The following TNS3 variants were observed in gnomAD, a reference collection of about 807,000 sequenced individuals.
The protein encoded by TNS3 is tensin-3.
TNS3 carries 45 observed loss-of-function variants against 140.9 expected under a neutral mutation model. The ratio of observed to expected loss-of-function variants is 0.32; its 90% CI spans 0.25 to 0.41. TNS3 has a LOEUF of 0.41. TNS3 is among the 10% of genes least tolerant of loss of function. The pLI is 1.00. For missense variants in TNS3, 1,716 were observed against 1,906.7 expected (o/e 0.90, Z 1.86); for synonymous variants, 815 against 788.4 (o/e 1.03, Z -0.56).
rs574559140 is a variant in TNS3 at position 47,531,381 on chromosome 7, CA to C, written c.-264-2235del. ...TGAACCAAAAACTTCTTAAAATATG[CA>C]AAAAAAGATATACAATTAAAGCCCA... On this transcript the variant is annotated intron_variant, in intron 1 of 30. Transcript: ENST00000311160. 7.2e-5 allele frequency among the ~76,000 whole-genome samples: 11 copies of C among 151,732 alleles called. No homozygotes were observed. The South Asian group carries it at 2.1e-3, about 29-fold the overall frequency.
intron 1 of TNS3, among the ~76,000 whole-genome samples, chr7:47,566,120 G>A (rs527829336): frequency 7.2e-5 from 11 of 152,336 alleles, no homozygotes; most frequent in Admixed American, 5.2e-4. Context: ...TGTCTGGGGT[G>A]GAACCCAGAA....
chr7:47,483,956 G>A (rs1042036765), intron 3 of TNS3, among the ~76,000 whole-genome samples: 2 of 152,218 alleles, frequency 1.3e-5, no homozygotes, highest in African/African-American at 4.8e-5. Context: ...AGAGCTTACG[G>A]CTCACGTAAT....
intron 20 of TNS3, among the ~76,000 whole-genome samples, chr7:47,310,182 T>C (rs1272269941): frequency 6.6e-6 from 1 of 152,202 alleles, no homozygotes. Flanking sequence ...TCTGAGCATG[T>C]TTCCCCTCAA....
intron 16 of TNS3, among the ~76,000 whole-genome samples, chr7:47,395,140 A>G (rs2151314282): frequency 6.6e-6 from 1 of 152,328 alleles, no homozygotes; most frequent in East Asian, 1.9e-4. Flanking sequence ...CAGCATCACG[A>G]GAATGACCTT....
At chr7:47,403,176 G>A (rs781477279) in intron 13 of TNS3, 1 of 152,746 alleles carries the variant, frequency 6.5e-6, no homozygotes, top group Non-Finnish European at 1.5e-5. Context: ...CAGGAATCCA[G>A]GATGCTCCCC....
chr7:47,453,616 A>G (rs1022573949), intron 4 of TNS3, among the ~76,000 whole-genome samples: 2 of 152,234 alleles, frequency 1.3e-5, no homozygotes, highest in East Asian at 3.8e-4. Context: ...TAAAATAAAA[A>G]CCAAACCAAT....
chr7:47,398,438 T>C (rs1187544368), intron 15 of TNS3, among the ~76,000 whole-genome samples: 2 of 152,108 alleles, frequency 1.3e-5, no homozygotes, highest in African/African-American at 4.8e-5. Context: ...AAATACTAGC[T>C]AACTGAATCT....
chr7:47,367,863 C>T (rs1054462701), intron 17 of TNS3, among the ~76,000 whole-genome samples: 6 of 152,228 alleles, frequency 3.9e-5, no homozygotes, highest in African/African-American at 7.2e-5. Context: ...TTTTATACCA[C>T]GACTGCTTAA....
intron 17 of TNS3, among the ~76,000 whole-genome samples, chr7:47,362,853 CACCATT>C (rs1790423068): frequency 6.9e-6 from 1 of 144,406 alleles, no homozygotes. Context: ...TCATCACCAT[CACCATT>C]ACCACCATCA....
Position 47,437,320 on chromosome 7 carries a change from AAGAG to A in TNS3, c.151-11_151-8del. The A allele has an allele frequency of 7.3e-7, 1 of 1,366,740 alleles. No individual in the cohort carries two copies. 84.7% of individuals were successfully genotyped at this position (1,366,740 alleles called of 1,614,324 possible). A position where few individuals can be genotyped will look rare whatever the true frequency, so the allele number is the denominator to read the frequency against. On this transcript the variant is annotated splice_region_variant and splice_polypyrimidine_tract_variant and intron_variant, in intron 6 of 30. Transcript: ENST00000311160. ...TTTCTGAAAGGTTTAATACCTATAAAAGAGAGGAAAAATTGCCTTGCATAAAATA... is the reference window on the plus strand; with the variant it reads ...TTTCTGAAAGGTTTAATACCTATAAAAGGAAAAATTGCCTTGCATAAAATA...
intron 20 of TNS3, among the ~76,000 whole-genome samples, chr7:47,343,004 A>C (rs1789106268): frequency 6.6e-6 from 1 of 152,240 alleles, no homozygotes; most frequent in African/African-American, 2.4e-5. Flanking sequence ...CTGAAATAAA[A>C]ATCTAGAAGG....
intron 12 of TNS3, among the ~76,000 whole-genome samples, chr7:47,413,500 G>A (rs1001302415): frequency 1.8e-4 from 28 of 151,720 alleles, no homozygotes; most frequent in African/African-American, 5.1e-4. Context: ...GGCACTTTGG[G>A]AGGCCGAGAC....
intron 1 of TNS3, among the ~76,000 whole-genome samples, chr7:47,541,757 G>C (rs1799794956): frequency 6.6e-6 from 1 of 151,988 alleles, no homozygotes; most frequent in Non-Finnish European, 1.5e-5. Flanking sequence ...GACCATCCTG[G>C]CTAACACGGT....
chr7:47,424,024 T>C, intron 10 of TNS3, 77 bp downstream of exon 10: 2 of 1,381,858 alleles, frequency 1.4e-6, no homozygotes, highest in Non-Finnish European at 2.1e-6. Flanking sequence ...ACAGAGGAGA[T>C]GCCTCTTCTG....
chr7:47,525,584 G>T (rs969225795), intron 2 of TNS3, among the ~76,000 whole-genome samples: 1 of 152,212 alleles, frequency 6.6e-6, no homozygotes, highest in East Asian at 1.9e-4. Flanking sequence ...GGACGTCATA[G>T]AGCAGCTGAA....
chr7:47,350,059 A>G (rs1398851517), intron 17 of TNS3, among the ~76,000 whole-genome samples: 1 of 152,028 alleles, frequency 6.6e-6, no homozygotes, highest in African/African-American at 2.4e-5. Flanking sequence ...ACAACTGCCA[A>G]CTCTATTCCT....
At chr7:47,404,113 C>T (rs569934611) in intron 13 of TNS3, among the ~76,000 whole-genome samples, 1 of 152,268 alleles carries the variant, frequency 6.6e-6, no homozygotes, top group Admixed American at 6.5e-5. Flanking sequence ...CAAAGATGTG[C>T]AGTCACAATT....
chr7:47,400,929 C>A lies in TNS3; in HGVS notation c.724-15G>T, dbSNP rs201298123. 3 of 1,613,486 alleles carry A rather than the reference C, an allele frequency of 1.9e-6. 1 individual carries two copies. In the South Asian group the frequency reaches 3.3e-5, roughly 18 times the overall value. ...TAGCATTTCACCTGGGTTAGAGAGA[C>A]AAAACAAAACAAAGTAGCTGCAGCG... On this transcript the variant is annotated splice_polypyrimidine_tract_variant and intron_variant, in intron 13 of 30. Coordinates refer to ENST00000311160, the MANE Select transcript of TNS3 (RefSeq NM_022748.12).
chr7:47,407,797 A>T lies in TNS3; in HGVS notation c.723+3930T>A, dbSNP rs1317718505. Among the ~76,000 whole-genome samples the T allele has an allele frequency of 6.6e-6, 1 of 152,138 alleles. No individual in the cohort carries two copies. Among genetic ancestry groups the T allele is most frequent in the East Asian group, 1.9e-4 (1 of 5,180 alleles). The stretch of plus-strand genomic sequence containing the variant: ...GAAGCCCAGGTGAGGACACAGGGAG[A>T]AGACAGCCACCTCCAGGTCAAGGAG... On this transcript the variant is annotated intron_variant, in intron 13 of 30. Transcript: ENST00000311160. The surrounding 1 kb of genome is among the most constrained non-coding windows in gnomAD (Gnocchi z 4.1).
Sources: allele counts gnomAD v4.1 joint callset (sites outside exome capture counted in the v4.1 genomes callset), GRCh38; gene constraint gnomAD v4.1.1; non-coding constraint Gnocchi (gnomAD v3.1); transcripts MANE v1.5; gene names NCBI Gene and HGNC (gene_info 2026-07-23, HGNC 2026-07-21).